Variants in ELOVL6 observed in about 807,000 individuals in gnomAD.
ELOVL6 encodes the protein very long chain fatty acid elongase 6.
ELOVL6 carries 8 observed loss-of-function variants against 31.7 expected under a neutral mutation model. That is an observed-to-expected ratio of 0.25 (90% CI 0.15 to 0.45). The LOEUF (loss-of-function observed/expected upper bound fraction) is 0.45, where lower values mean the gene tolerates loss of function less well. ELOVL6 is among the 20% of genes least tolerant of loss of function. The probability of loss-of-function intolerance (pLI) is 1.00; values close to 1 mark genes in which losing one functional copy is unlikely to be tolerated. For synonymous variants in ELOVL6, 101 were observed against 117.7 expected (o/e 0.86, Z 0.92); for missense variants, 126 against 326.4 (o/e 0.39, Z 4.73).
chr4:110,077,116 C>T (rs144805277), intron 2 of ELOVL6, among the ~76,000 whole-genome samples: 3,793 of 152,288 alleles, frequency 0.025, 122 homozygotes, highest in African/African-American at 0.078. Context: ...TGGAGCCAAC[C>T]GCAGCTCAAG....
At chr4:110,158,975 C>T (rs916125821) in intron 1 of ELOVL6, among the ~76,000 whole-genome samples, 1 of 151,906 alleles carries the variant, frequency 6.6e-6, no homozygotes, top group African/African-American at 2.4e-5. Context: ...TATTGGATTA[C>T]TAAGTTAAAC....
rs76612832 is a variant in ELOVL6, at chr4:110,161,390, T to C, written c.89+36857A>G. On this transcript the variant is annotated intron_variant, in intron 1 of 3. Coordinates refer to ENST00000302274, the MANE Select transcript of ELOVL6 (RefSeq NM_024090.3). The stretch of plus-strand genomic sequence containing the variant: ...TGCAAATTCTCCTACTTATGAAAAT[T>C]TAACCCCAAGTCTATACTGATGGCA... Among the ~76,000 whole-genome samples the C allele has an allele frequency of 8.1e-3, 1,236 of 152,300 alleles. 16 individuals are homozygous for C. Among genetic ancestry groups the C allele is most frequent in the African/African-American group, 0.028 (1,160 of 41,558 alleles).
intron 2 of ELOVL6, among the ~76,000 whole-genome samples, chr4:110,084,261 C>A (rs1756093000): frequency 8.5e-6 from 1 of 117,914 alleles, no homozygotes; most frequent in Non-Finnish European, 1.7e-5. Context: ...TAACATATAG[C>A]TTATATGTGA....
rs74913740 is a variant in ELOVL6, at chr4:110,059,954, A to G, written c.222-200T>C. ...CTCAAGGGCTTTATTCTGAAACCAT[A>G]TATGATACCACTTCCTCTTCATCAC... On this transcript the variant is annotated intron_variant, in intron 2 of 3. Transcript: ENST00000302274. The G allele has an allele frequency of 3.2e-3, 1,539 of 485,832 alleles. 7 individuals carry two copies. The highest frequency in any genetic ancestry group is 4.5e-3 in the Non-Finnish European group (1,257 of 277,056). 30.1% of individuals were successfully genotyped at this position (485,832 alleles called of 1,614,324 possible).
intron 2 of ELOVL6, among the ~76,000 whole-genome samples, chr4:110,084,240 T>TAACTTATATGATATATAAC (rs1756087798): frequency 7.5e-6 from 1 of 132,966 alleles, no homozygotes; most frequent in African/African-American, 2.8e-5. Context: ...ATATAACATA[T>TAACTTATATGATATATAAC]ATGATATATA....
intron 1 of ELOVL6, among the ~76,000 whole-genome samples, chr4:110,186,751 T>C (rs1225928723): frequency 2.1e-5 from 3 of 141,926 alleles, no homozygotes; most frequent in Admixed American, 7.4e-5. Context: ...TTGCAGTGAG[T>C]TGAGATTACA....
chr4:110,130,831 T>C (rs1288633535), intron 1 of ELOVL6, among the ~76,000 whole-genome samples: 1 of 152,238 alleles, frequency 6.6e-6, no homozygotes, highest in Non-Finnish European at 1.5e-5. Flanking sequence ...TCAGTCATTT[T>C]AGGATATCAA....
intron 2 of ELOVL6, among the ~76,000 whole-genome samples, chr4:110,080,782 G>T (rs1263415091): frequency 6.6e-6 from 1 of 152,028 alleles, no homozygotes; most frequent in Non-Finnish European, 1.5e-5. Context: ...TATTCAATTA[G>T]GAAAAGAGGA....
intron 1 of ELOVL6, among the ~76,000 whole-genome samples, chr4:110,110,742 G>A (rs1237225302): frequency 6.6e-6 from 1 of 152,018 alleles, no homozygotes; most frequent in Non-Finnish European, 1.5e-5. Flanking sequence ...CAGAAATTCT[G>A]ACAAACAATT....
chr4:110,179,571 T>G (rs1267473016), intron 1 of ELOVL6, among the ~76,000 whole-genome samples: 1 of 102,438 alleles, frequency 9.8e-6, no homozygotes, highest in Non-Finnish European at 2.4e-5. Context: ...ACAAGAATAT[T>G]TATTTTCATT....
At chr4:110,134,201 A>G (rs1265640078) in intron 1 of ELOVL6, among the ~76,000 whole-genome samples, 2 of 152,170 alleles carry the variant, frequency 1.3e-5, no homozygotes, top group Admixed American at 1.3e-4. Context: ...CTCAGGGAAG[A>G]CCTCTATTAG....
intron 1 of ELOVL6, among the ~76,000 whole-genome samples, chr4:110,106,280 G>A (rs1400388336): frequency 1.3e-5 from 2 of 152,170 alleles, no homozygotes; most frequent in Admixed American, 6.5e-5. Flanking sequence ...CTTGAAACCA[G>A]AAGGCAGAGG....
At chr4:110,192,767 T>A (rs1401008019) in intron 1 of ELOVL6, among the ~76,000 whole-genome samples, 2 of 152,220 alleles carry the variant, frequency 1.3e-5, no homozygotes, top group Admixed American at 6.5e-5. Context: ...CTATGTATTT[T>A]CTCATTCTTC....
At chr4:110,158,697 G>A (rs1225001805) in intron 1 of ELOVL6, among the ~76,000 whole-genome samples, 1 of 70,006 alleles carries the variant, frequency 1.4e-5, no homozygotes, top group Non-Finnish European at 2.8e-5. Flanking sequence ...TTTCGCTCTT[G>A]TTGCCCAGGC....
At chr4:110,076,370 T>C (rs1047942544) in intron 2 of ELOVL6, among the ~76,000 whole-genome samples, 3 of 152,168 alleles carry the variant, frequency 2.0e-5, no homozygotes, top group African/African-American at 4.8e-5. Context: ...TCCATGGTGA[T>C]GTTTTAGTCA....
intron 1 of ELOVL6, among the ~76,000 whole-genome samples, chr4:110,190,190 T>C (rs1181414346): frequency 6.6e-6 from 1 of 152,134 alleles, no homozygotes; most frequent in Admixed American, 6.5e-5. Context: ...AATCAGCATG[T>C]CTAATTTATC....
intron 1 of ELOVL6, among the ~76,000 whole-genome samples, chr4:110,181,960 T>C (rs1759285545): frequency 1.3e-5 from 2 of 152,242 alleles, no homozygotes; most frequent in Non-Finnish European, 2.9e-5. Flanking sequence ...CTAGGCATTC[T>C]GCAGTACTAC....
chr4:110,160,095 TAC>T (rs71818366), intron 1 of ELOVL6, among the ~76,000 whole-genome samples: 97 of 150,122 alleles, frequency 6.5e-4, no homozygotes, highest in Admixed American at 1.8e-3. Flanking sequence ...GCTTACAACT[TAC>T]ACACACACAC....
intron 2 of ELOVL6, among the ~76,000 whole-genome samples, chr4:110,073,515 T>C (rs1206834565): frequency 6.6e-6 from 1 of 152,148 alleles, no homozygotes; most frequent in Non-Finnish European, 1.5e-5. Context: ...CAGGGTTTCA[T>C]AATAAAGGTT....
Sources: allele counts gnomAD v4.1 joint callset (sites outside exome capture counted in the v4.1 genomes callset), GRCh38; gene constraint gnomAD v4.1.1; transcripts MANE v1.5; gene names NCBI Gene and HGNC (gene_info 2026-07-23, HGNC 2026-07-21).